RLIG1: variants seen among roughly 807,000 people sequenced by gnomAD.
RLIG1 encodes RNA 5'-phosphate and 3'-OH ligase 1.
the RLIG1 span, chr12:88,035,714 G>A: frequency 3.1e-6 from 5 of 1,604,774 alleles, no homozygotes; most frequent in African/African-American, 1.3e-5. Flanking sequence ...TGAAAGAGGA[G>A]CCTTCCTCCA....
At chr12:88,039,038 T>C in the RLIG1 span, among the ~76,000 whole-genome samples, 1 of 152,120 alleles carries the variant, frequency 6.6e-6, no homozygotes, top group Non-Finnish European at 1.5e-5. Flanking sequence ...AAAAATGCAC[T>C]GAAAAAGAGA....
chr12:88,042,646 G>C, the RLIG1 span: 1 of 407,814 alleles, frequency 2.5e-6, no homozygotes. Context: ...TTTAACCAGA[G>C]AAATAAGTCT....
At chr12:88,045,659 C>G in the RLIG1 span, 1 of 1,613,008 alleles carries the variant, frequency 6.2e-7, no homozygotes, top group Non-Finnish European at 8.5e-7. Flanking sequence ...TGAAATTGCC[C>G]TGGTACTAAA....
the RLIG1 span, among the ~76,000 whole-genome samples, chr12:88,039,548 T>C: frequency 2.6e-5 from 4 of 152,182 alleles, no homozygotes; most frequent in Admixed American, 2.0e-4. Flanking sequence ...CAAGAAACCT[T>C]ACCTTTTGTT....
the RLIG1 span, chr12:88,047,058 A>G: frequency 4.6e-6 from 6 of 1,312,954 alleles, no homozygotes; most frequent in Non-Finnish European, 6.2e-6. Flanking sequence ...AATTCTCTCT[A>G]CAAATGGCAG....
At chr12:88,039,682 T>A in the RLIG1 span, among the ~76,000 whole-genome samples, 1 of 152,146 alleles carries the variant, frequency 6.6e-6, no homozygotes, top group African/African-American at 2.4e-5. Context: ...TACCCATTTG[T>A]TTTTAGCACT....
the RLIG1 span, chr12:88,048,134 G>T: frequency 3.1e-4 from 256 of 817,668 alleles, 2 homozygotes; most frequent in East Asian, 6.6e-3. Context: ...ATAAAGTGGA[G>T]TCTTACCCAG....
At chr12:88,049,006 A>ACTT in the RLIG1 span, 1 of 412,902 alleles carries the variant, frequency 2.4e-6, no homozygotes, top group Non-Finnish European at 4.3e-6. Flanking sequence ...TCAAGTATAT[A>ACTT]CTTTTATAAT....
the RLIG1 span, chr12:88,048,246 C>T: frequency 6.4e-7 from 1 of 1,555,608 alleles, no homozygotes; most frequent in South Asian, 1.3e-5. Flanking sequence ...CCATCGCCAT[C>T]ATCTTGGCTT....
the RLIG1 span, among the ~76,000 whole-genome samples, chr12:88,037,084 T>C: frequency 3.9e-5 from 6 of 152,188 alleles, no homozygotes; most frequent in African/African-American, 1.4e-4. Context: ...TGAGGCTCAA[T>C]CTACCTTCCA....
chr12:88,043,462 G>T, the RLIG1 span: 2 of 591,444 alleles, frequency 3.4e-6, no homozygotes, highest in East Asian at 2.8e-5. Flanking sequence ...TCATGTTGTG[G>T]TGATAATGAA....
chr12:88,037,927 C>G, the RLIG1 span, among the ~76,000 whole-genome samples: 520 of 152,164 alleles, frequency 3.4e-3, no homozygotes, highest in Non-Finnish European at 5.0e-3. Context: ...CCTTGGTGCC[C>G]TTCTTCTTCC....
At chr12:88,045,730 A>G in the RLIG1 span, 5 of 1,613,162 alleles carry the variant, frequency 3.1e-6, no homozygotes, top group Admixed American at 8.3e-5. Context: ...CAGATCTCTT[A>G]GAACAAACAC....
chr12:88,049,120 T>C, the RLIG1 span: 1 of 955,882 alleles, frequency 1.0e-6, no homozygotes, highest in Non-Finnish European at 1.6e-6. Flanking sequence ...ACTGCTTATT[T>C]CCAAGTATAT....
the RLIG1 span, among the ~76,000 whole-genome samples, chr12:88,046,331 A>G: frequency 3.9e-5 from 6 of 152,160 alleles, no homozygotes; most frequent in South Asian, 1.0e-3. Flanking sequence ...TAAAGAAGCT[A>G]AGATGGTAGT....
At chr12:88,049,816 T>C in the RLIG1 span, 2 of 156,792 alleles carry the variant, frequency 1.3e-5, no homozygotes. Flanking sequence ...ATATCTAATA[T>C]TTAATGAATA....
the RLIG1 span, chr12:88,046,921 AAG>A: frequency 1.9e-6 from 3 of 1,612,778 alleles, no homozygotes; most frequent in Non-Finnish European, 2.5e-6. Context: ...GAAGATTGCA[AAG>A]AGGGTAAAAT....
At chr12:88,041,043 C>G in the RLIG1 span, among the ~76,000 whole-genome samples, 1 of 152,136 alleles carries the variant, frequency 6.6e-6, no homozygotes, top group Non-Finnish European at 1.5e-5. Flanking sequence ...CTATCATCAC[C>G]TTCCATCTCA....
the RLIG1 span, chr12:88,045,862 C>CA: frequency 9.4e-7 from 1 of 1,062,368 alleles, no homozygotes; most frequent in South Asian, 1.5e-5. Context: ...AAAACATACA[C>CA]ACACTAAAGA....
Sources: allele counts gnomAD v4.1 joint callset (sites outside exome capture counted in the v4.1 genomes callset), GRCh38; gene constraint gnomAD v4.1.1; transcripts MANE v1.5; gene names NCBI Gene and HGNC (gene_info 2026-07-23, HGNC 2026-07-21).